Variants in SCOC observed in about 807,000 individuals in gnomAD.
The protein encoded by SCOC is short coiled-coil protein, also known as short coiled coil protein.
In SCOC, 7 loss-of-function variants were observed where a neutral mutation model predicts 9.9. The observed-to-expected ratio is 0.71, with a 90% CI of 0.40 to 1.33. SCOC has a LOEUF of 1.33. SCOC is among the 40% of genes most tolerant of loss of function. The pLI is 0.01. For synonymous variants in SCOC, 19 were observed against 28.2 expected (o/e 0.67, Z 1.03); for missense variants, 66 against 89.7 (o/e 0.74, Z 1.07).
At chr4:140,307,426 A>T (rs2126462019) in intron 1 of SCOC, among the ~76,000 whole-genome samples, 1 of 152,320 alleles carries the variant, frequency 6.6e-6, no homozygotes, top group Non-Finnish European at 1.5e-5. Flanking sequence ...ATCAGCAATC[A>T]CTTGTCTTGA....
chr4:140,296,052 C>T (rs1333623265), intron 1 of SCOC, among the ~76,000 whole-genome samples: 1 of 151,726 alleles, frequency 6.6e-6, no homozygotes, highest in Non-Finnish European at 1.5e-5. Context: ...GAACCAGGCC[C>T]AGGAATCTGC....
intron 2 of SCOC, among the ~76,000 whole-genome samples, chr4:140,345,240 G>A (rs1033614864): frequency 2.0e-5 from 3 of 152,158 alleles, no homozygotes; most frequent in Admixed American, 6.5e-5. Flanking sequence ...CACACGAGAG[G>A]ACCAACGTCC....
intron 1 of SCOC, among the ~76,000 whole-genome samples, chr4:140,258,791 A>AT (rs1730566773): frequency 6.6e-6 from 1 of 152,120 alleles, no homozygotes; most frequent in Admixed American, 6.5e-5. Context: ...CTATAGTTCC[A>AT]TTTTTTGAAA....
At chr4:140,349,730 C>T (rs1045531047) in intron 2 of SCOC, among the ~76,000 whole-genome samples, 7 of 152,182 alleles carry the variant, frequency 4.6e-5, no homozygotes, top group African/African-American at 1.7e-4. Flanking sequence ...TCAAATAAAT[C>T]TGGCCTTCTC....
rs75605207 is a variant in SCOC at position 140,373,706 on chromosome 4, C to G, written c.-62C>G. On this transcript the variant is annotated 5_prime_UTR_variant, in exon 1 of 4. Transcript: ENST00000608372. The stretch of plus-strand genomic sequence containing the variant: ...GCCGGATCCCTCCTTCTCCCGGCGC[C>G]TCAAGCGGAAGGTGAGGGCCGTCCC... 3.3e-3 allele frequency: 5,182 copies of G among 1,548,434 alleles called. 151 individuals carry two copies. The African/African-American group carries it at 0.063, about 19-fold the overall frequency.
intron 1 of SCOC, among the ~76,000 whole-genome samples, chr4:140,263,298 C>T (rs1730669767): frequency 1.3e-5 from 2 of 152,146 alleles, no homozygotes; most frequent in Admixed American, 6.6e-5. Flanking sequence ...TTCCACAGAG[C>T]AATTTAGGAC....
chr4:140,272,987 C>T (rs555630552), intron 1 of SCOC, among the ~76,000 whole-genome samples: 4 of 152,318 alleles, frequency 2.6e-5, no homozygotes, highest in South Asian at 2.1e-4. Flanking sequence ...TCTAACCTTC[C>T]GCCATGTTCA....
chr4:140,304,228 A>G (rs188570139), intron 1 of SCOC, among the ~76,000 whole-genome samples: 2 of 152,330 alleles, frequency 1.3e-5, no homozygotes, highest in Admixed American at 6.5e-5. Flanking sequence ...CACTGGTGAC[A>G]GGCTGACAGT....
chr4:140,361,306 C>T (rs767703168), intron 2 of SCOC, among the ~76,000 whole-genome samples: 8 of 151,642 alleles, frequency 5.3e-5, no homozygotes, highest in Non-Finnish European at 7.4e-5. Flanking sequence ...CTGACTGTCA[C>T]GTGACAATGT....
chr4:140,300,975 T>A (rs1731794319), intron 1 of SCOC, among the ~76,000 whole-genome samples: 1 of 152,188 alleles, frequency 6.6e-6, no homozygotes, highest in Admixed American at 6.5e-5. Flanking sequence ...TAGGCAGCCA[T>A]CTTCTTAACA....
intron 1 of SCOC, among the ~76,000 whole-genome samples, chr4:140,308,435 T>C (rs1362817184): frequency 6.6e-6 from 1 of 152,164 alleles, no homozygotes; most frequent in Non-Finnish European, 1.5e-5. Context: ...AGCAGGACTA[T>C]ATATAGCCAG....
intron 2 of SCOC, among the ~76,000 whole-genome samples, chr4:140,359,863 C>A (rs1041175718): frequency 2.0e-5 from 3 of 152,180 alleles, no homozygotes; most frequent in Admixed American, 1.3e-4. Context: ...AGGGATAGGA[C>A]AGCATACATG....
At chr4:140,322,053 C>T (rs1392328767) in intron 1 of SCOC, among the ~76,000 whole-genome samples, 1 of 152,224 alleles carries the variant, frequency 6.6e-6, no homozygotes, top group African/African-American at 2.4e-5. Context: ...GATGCTAGCA[C>T]CTTGATCTTG....
chr4:140,362,281 C>CTTCTTCTTCTTCTTCT (rs1727556036), intron 2 of SCOC, among the ~76,000 whole-genome samples: 3 of 16,422 alleles, frequency 1.8e-4, no homozygotes, highest in African/African-American at 1.2e-3. Context: ...GTCCTTACTT[C>CTTCTTCTTCTTCTTCT]TTCTTCTTCT....
At chr4:140,272,977 T>G (rs1007776559) in intron 1 of SCOC, among the ~76,000 whole-genome samples, 12 of 152,224 alleles carry the variant, frequency 7.9e-5, no homozygotes, top group Non-Finnish European at 1.8e-4. Context: ...TCTTACTGTT[T>G]CTAACCTTCC....
At chr4:140,337,878 A>G (rs536757821) in intron 1 of SCOC, among the ~76,000 whole-genome samples, 85 of 152,306 alleles carry the variant, frequency 5.6e-4, no homozygotes, top group African/African-American at 1.8e-3. Context: ...TACAAGGAGG[A>G]GCTGGTACCA....
rs149616369 is a variant in SCOC at position 140,331,450 on chromosome 4, T to C, written c.-18-12171T>C. On this transcript the variant is annotated intron_variant, in intron 1 of 4. Coordinates refer to the SCOC transcript ENST00000394205. ...CACTATCTATCTTCATCAGATTTTC[T>C]CGCTGGTTAGAAACTGAAACCAGAC... Among the ~76,000 whole-genome samples, 147 of 152,324 alleles carry C rather than the reference T, an allele frequency of 9.7e-4. No individual in the cohort carries two copies. In the East Asian group the frequency reaches 0.021, roughly 22 times the overall value.
chr4:140,269,410 T>C (rs1447924562), intron 1 of SCOC, among the ~76,000 whole-genome samples: 1 of 152,062 alleles, frequency 6.6e-6, no homozygotes, highest in Non-Finnish European at 1.5e-5. Context: ...GTGTAAGGCA[T>C]CTGACTACGC....
intron 1 of SCOC, among the ~76,000 whole-genome samples, chr4:140,293,631 G>A (rs1364082407): frequency 1.3e-5 from 2 of 152,206 alleles, no homozygotes; most frequent in African/African-American, 4.8e-5. Flanking sequence ...TCCACGCCAG[G>A]CAGGAATGGA....
Sources: allele counts gnomAD v4.1 joint callset (sites outside exome capture counted in the v4.1 genomes callset), GRCh38; gene constraint gnomAD v4.1.1; transcripts MANE v1.5; gene names NCBI Gene and HGNC (gene_info 2026-07-23, HGNC 2026-07-21).